Variants in CACNA1A observed in about 807,000 individuals in gnomAD.
CACNA1A encodes voltage-dependent P/Q-type calcium channel subunit alpha-1A.
Under a neutral mutation model 262.4 loss-of-function variants are expected in CACNA1A, and 57 were observed. The ratio of observed to expected loss-of-function variants is 0.22; its 90% CI spans 0.18 to 0.27. The LOEUF (loss-of-function observed/expected upper bound fraction) is 0.27. Ranked by LOEUF, CACNA1A falls within the 10% of genes least tolerant of loss-of-function variation. CACNA1A has a pLI of 1.00. For missense variants in CACNA1A, 2,526 were observed against 3,562.8 expected (o/e 0.71, Z 7.41); for synonymous variants, 1,431 against 1,419.3 (o/e 1.01, Z -0.18).
At chr19:13,235,563 A>AGGGT in intron 32 of CACNA1A, 51 bp downstream of exon 32, 1 of 1,253,060 alleles carries the variant, frequency 8.0e-7, no homozygotes, top group South Asian at 1.2e-5. Context: ...CCAGAGCATG[A>AGGGT]GGGTCACCTG....
At chr19:13,406,465 TTA>T (rs61273249) in intron 3 of CACNA1A, among the ~76,000 whole-genome samples, 5,175 of 30,656 alleles carry the variant, frequency 0.17, 399 homozygotes, top group Non-Finnish European at 0.26. Context: ...AAAAAAAAAA[TTA>T]TATATATATA....
chr19:13,298,633 C>T lies in CACNA1A; in HGVS notation c.3000G>A (p.Glu1000=), dbSNP rs965510264. 9 of 1,526,596 alleles carry T rather than the reference C, an allele frequency of 5.9e-6. No individual in the cohort carries two copies. The highest frequency in any genetic ancestry group is 7.0e-6 in the Non-Finnish European group (8 of 1,136,306). 94.6% of individuals were successfully genotyped at this position (1,526,596 alleles called of 1,614,324 possible). Residue 1000 remains glutamate (E), a synonymous_variant, in exon 19 of 47, where the codon GAG becomes GAA. Transcript: ENST00000360228. ...CGCCATGCCGGTGCCTTCTCCTGCG[C>T]TCGCCCCCGTCGGGGCCCTCGCCCT... ...EGEGEGPDGG[E]RRRRHRHGAP... is the part of the protein sequence containing the mutation.
chr19:13,423,250 G>C (rs970905516), intron 3 of CACNA1A, among the ~76,000 whole-genome samples: 13 of 152,200 alleles, frequency 8.5e-5, no homozygotes, highest in African/African-American at 3.1e-4. Context: ...AGAGTCTAGA[G>C]GGCAAGGCAG....
rs540295549 is a variant in CACNA1A at position 13,475,220 on chromosome 19, C to T, written c.294-20008G>A. On this transcript the variant is annotated intron_variant, in intron 1 of 46. Coordinates refer to ENST00000360228, the MANE Select transcript of CACNA1A (RefSeq NM_001127222.2). ...CCCAAAATGCAGATAATGAGGTATACAGTCAGCCTAGTCTATGTCCTGCTG... is the reference window on the plus strand; with the variant it reads ...CCCAAAATGCAGATAATGAGGTATATAGTCAGCCTAGTCTATGTCCTGCTG... 5.3e-5 allele frequency among the ~76,000 whole-genome samples: 8 copies of T among 152,290 alleles called. No homozygotes were observed. In the South Asian group the frequency reaches 1.5e-3, roughly 28 times the overall value.
intron 1 of CACNA1A, among the ~76,000 whole-genome samples, chr19:13,486,247 TGAGG>T (rs1979967328): frequency 6.6e-6 from 1 of 152,174 alleles, no homozygotes; most frequent in South Asian, 2.1e-4. Context: ...AGGATGAGCA[TGAGG>T]GAGAATCTGA....
chr19:13,271,110 CTG>C (rs983577926), intron 24 of CACNA1A, among the ~76,000 whole-genome samples: 1 of 99,054 alleles, frequency 1.0e-5, no homozygotes, highest in Non-Finnish European at 2.0e-5. Flanking sequence ...TGCCAAATTC[CTG>C]TGAGTTGTAG....
At chr19:13,457,834 CAAAAGCAAAACTCCGTTTCAAAAA>C (rs2061042046) in intron 1 of CACNA1A, among the ~76,000 whole-genome samples, 1 of 64,684 alleles carries the variant, frequency 1.5e-5, no homozygotes, top group African/African-American at 5.7e-5. Context: ...GCCTGGGCAA[CAAAAGCAAAACTCCGTTTCAAAAA>C]AAAAAAAAAA....
intron 24 of CACNA1A, chr19:13,263,480 C>A (rs1173006602): frequency 6.6e-6 from 1 of 151,374 alleles, no homozygotes; most frequent in Non-Finnish European, 1.5e-5. Context: ...CAGCTATTTT[C>A]AAAAAAGCCC....
At chr19:13,358,168 CA>C (rs2059040643) in intron 6 of CACNA1A, among the ~76,000 whole-genome samples, 1 of 152,230 alleles carries the variant, frequency 6.6e-6, no homozygotes, top group South Asian at 2.1e-4. Flanking sequence ...AGAGCAGCAT[CA>C]TGTTCCATGT....
chr19:13,219,327 C>T (rs932262425), intron 38 of CACNA1A, among the ~76,000 whole-genome samples: 1 of 152,132 alleles, frequency 6.6e-6, no homozygotes, highest in African/African-American at 2.4e-5. Context: ...CAGGCGTGAG[C>T]CACCGTGCCC....
chr19:13,388,245 CTTTTTTTTTTTTTTT>C (rs1161893626), intron 3 of CACNA1A, among the ~76,000 whole-genome samples: 2 of 85,682 alleles, frequency 2.3e-5, no homozygotes, highest in Admixed American at 1.5e-4. Context: ...TCTTCCTCTT[CTTTTTTTTTTTTTTT>C]TTTTTTTTTT....
At chr19:13,411,332 G>T (rs1009546808) in intron 3 of CACNA1A, among the ~76,000 whole-genome samples, 5 of 152,116 alleles carry the variant, frequency 3.3e-5, no homozygotes, top group Admixed American at 2.0e-4. Context: ...AACTTGAATT[G>T]TAATAATCCC....
At chr19:13,368,672 G>A (rs2059260796) in intron 4 of CACNA1A, among the ~76,000 whole-genome samples, 1 of 152,150 alleles carries the variant, frequency 6.6e-6, no homozygotes, top group South Asian at 2.1e-4. Context: ...CTTGATGGGT[G>A]GAGACCACAG....
intron 19 of CACNA1A, among the ~76,000 whole-genome samples, chr19:13,294,205 A>G (rs1482865133): frequency 3.0e-5 from 2 of 65,968 alleles, no homozygotes; most frequent in Non-Finnish European, 6.5e-5. Context: ...CCCTGCCTCA[A>G]AAAAAAAAAA....
At chr19:13,357,750 T>C (rs1434798440) in intron 6 of CACNA1A, among the ~76,000 whole-genome samples, 1 of 152,186 alleles carries the variant, frequency 6.6e-6, no homozygotes, top group Non-Finnish European at 1.5e-5. Flanking sequence ...ACACCTGTAA[T>C]CCTAGCACTT....
At chr19:13,418,016 G>A (rs1014678124) in intron 3 of CACNA1A, among the ~76,000 whole-genome samples, 1 of 151,588 alleles carries the variant, frequency 6.6e-6, no homozygotes, top group Non-Finnish European at 1.5e-5. Context: ...GGTTAGCACA[G>A]TAGATGCTCA....
chr19:13,227,176 T>C (rs948290224), intron 37 of CACNA1A: 6 of 248,234 alleles, frequency 2.4e-5, no homozygotes, highest in African/African-American at 4.5e-5. Context: ...CCCCCCGGCA[T>C]GTCGGCCATA....
intron 12 of CACNA1A, among the ~76,000 whole-genome samples, chr19:13,311,911 T>G (rs1001535245): frequency 6.6e-6 from 1 of 152,032 alleles, no homozygotes; most frequent in African/African-American, 2.4e-5. Flanking sequence ...AACAGGACTA[T>G]GGTAAATGAT....
At chr19:13,330,100 C>A in intron 10 of CACNA1A, 144 bp downstream of exon 10, 1 of 608,824 alleles carries the variant, frequency 1.6e-6, no homozygotes, top group South Asian at 2.0e-5. Context: ...TGTAATCTGC[C>A]CAGGACACAC....
Sources: gnomAD v4.1 joint callset for allele counts (sites outside exome capture counted in the v4.1 genomes callset) on GRCh38, gnomAD v4.1.1 for gene constraint, MANE v1.5 for transcripts, NCBI Gene and HGNC (gene_info 2026-07-23, HGNC 2026-07-21) for gene names.